The following DNAH9 variants were observed in gnomAD, a reference collection of about 807,000 sequenced individuals.
DNAH9 encodes DNAH9 variant protein.
A neutral mutation model predicts 471.6 loss-of-function variants in DNAH9; 345 were observed. The ratio of observed to expected loss-of-function variants is 0.73; its 90% CI spans 0.67 to 0.80. The LOEUF is 0.80. Ranked by LOEUF, DNAH9 falls within the 30% of genes least tolerant of loss-of-function variation. The pLI is 0.00. For synonymous variants in DNAH9, 2,093 were observed against 2,123.6 expected, an observed-to-expected ratio of 0.99 and a Z score of 0.40; for missense variants, 5,407 against 5,609.2, an observed-to-expected ratio of 0.96 and a Z score of 1.15.
intron 10 of DNAH9, among the ~76,000 whole-genome samples, chr17:11,642,992 G>A (rs2073307792): frequency 6.6e-6 from 1 of 152,240 alleles, no homozygotes; most frequent in African/African-American, 2.4e-5. Flanking sequence ...GAAATCCTAT[G>A]TTGGTTTAAA....
intron 61 of DNAH9, among the ~76,000 whole-genome samples, chr17:11,913,960 A>G (rs1973865865): frequency 6.6e-6 from 1 of 152,090 alleles, no homozygotes; most frequent in Non-Finnish European, 1.5e-5. Context: ...CTCTGTTACT[A>G]TCATTAATTT....
chr17:11,929,313 TG>T (rs1337213942), intron 62 of DNAH9, among the ~76,000 whole-genome samples: 1 of 152,062 alleles, frequency 6.6e-6, no homozygotes, highest in Non-Finnish European at 1.5e-5. Flanking sequence ...GGATTACAGG[TG>T]TTAGCCACCG....
In DNAH9 at chr17:11,923,457, G is replaced by A. The variant is rs575226703; in HGVS notation, c.11750-357G>A. Among the ~76,000 whole-genome samples, 43 of 151,864 alleles carry A rather than the reference G, an allele frequency of 2.8e-4. No homozygotes were observed. In the South Asian group the frequency reaches 7.1e-3, roughly 25 times the overall value. On this transcript the variant is annotated intron_variant, in intron 61 of 68. Transcript: ENST00000262442. The stretch of plus-strand genomic sequence containing the variant: ...CTCCCGAGTAGCTGGGACTACAGGC[G>A]CCCACCACCACGCCCAGCTAATTTT...
At chr17:11,819,281 C>T (rs1260308836) in intron 45 of DNAH9, among the ~76,000 whole-genome samples, 2 of 152,094 alleles carry the variant, frequency 1.3e-5, no homozygotes, top group African/African-American at 4.8e-5. Flanking sequence ...TGAGGTATCA[C>T]CGCTTTCCCA....
chr17:11,936,163 C>T (rs768842127), intron 65 of DNAH9, among the ~76,000 whole-genome samples: 1 of 152,100 alleles, frequency 6.6e-6, no homozygotes, highest in Non-Finnish European at 1.5e-5. Flanking sequence ...AGAGTCCAGG[C>T]CTGCACAGAA....
In DNAH9 at chr17:11,619,776, G is replaced by A; in HGVS notation, c.1345G>A (p.Val449Met). 1.3e-6 allele frequency: 2 copies of A among 1,586,760 alleles called. No individual in the cohort carries two copies. The highest frequency in any genetic ancestry group is 1.7e-6 in the Non-Finnish European group (2 of 1,155,100). Residue 449 changes from valine to methionine, a missense_variant, in exon 6 of 69, where the codon GTG (valine) becomes ATG (methionine). Val to Met is a conservative substitution (Grantham distance 21, BLOSUM62 1). This residue lies in a region of DNAH9 where 767 missense variants were observed against 692.5 expected (regional missense o/e 1.11). Coordinates refer to ENST00000262442, the MANE Select transcript of DNAH9 (RefSeq NM_001372.4). ...TGGCTTCCTGGGACAACTGCACGTG[G>A]TGGAGGTGAGTGCGCACCTCACCTC... ...LDGFLGQLHV[V>M]EGLLKTALDF...
At chr17:11,653,078 T>A in intron 14 of DNAH9, 76 bp downstream of exon 14, 1 of 1,484,102 alleles carries the variant, frequency 6.7e-7, no homozygotes, top group Non-Finnish European at 9.2e-7. Flanking sequence ...GATGAATAAG[T>A]GATTAGGACA....
Position 11,783,719 on chromosome 17 carries a change from G to A in DNAH9, c.7792G>A (p.Gly2598Ser). Residue 2598 changes from glycine (G) to serine (S), a missense_variant, in exon 40 of 69, where the codon GGC becomes AGC. Around this residue, in one of 3 missense-constraint regions of DNAH9, gnomAD observed 4,636 missense variants for 4,900.3 expected, o/e 0.95. Transcript: ENST00000262442. ...TGTTTCCTGTATGAACCCCACGGCA[G>A]GCAGCTTCACCATCAACCCCCGGCT... is the stretch of plus-strand genomic sequence containing the variant. ...QYVSCMNPTA[G>S]SFTINPRLQR... 6.2e-7 allele frequency: 1 copy of A among 1,614,092 alleles called. No individual in the cohort carries two copies. Among genetic ancestry groups the A allele is most frequent in the East Asian group, 2.2e-5 (1 of 44,874 alleles).
intron 67 of DNAH9, among the ~76,000 whole-genome samples, chr17:11,943,140 C>A (rs552509291): frequency 6.6e-6 from 1 of 151,690 alleles, no homozygotes; most frequent in Non-Finnish European, 1.5e-5. Context: ...ATAATCCACC[C>A]GCCTCAGCCT....
intron 29 of DNAH9, among the ~76,000 whole-genome samples, chr17:11,741,693 G>T (rs1189324614): frequency 6.6e-6 from 1 of 151,920 alleles, no homozygotes; most frequent in Non-Finnish European, 1.5e-5. Flanking sequence ...TACAGGATAA[G>T]CCCTGGGTGT....
chr17:11,670,806 C>T (rs1238867929), intron 17 of DNAH9, among the ~76,000 whole-genome samples: 3 of 151,800 alleles, frequency 2.0e-5, no homozygotes, highest in South Asian at 2.1e-4. Context: ...TGGGTTCAAG[C>T]GATTCTCCTA....
At chr17:11,666,979 T>C (rs150732448) in intron 15 of DNAH9, among the ~76,000 whole-genome samples, 3 of 152,262 alleles carry the variant, frequency 2.0e-5, no homozygotes, top group South Asian at 2.1e-4. Context: ...TCCCACTCCA[T>C]AGAGAAATGT....
chr17:11,783,757 G>C lies in DNAH9; in HGVS notation c.7821+9G>C, dbSNP rs371224032. On this transcript the variant is annotated intron_variant, in intron 40 of 68. Coordinates refer to ENST00000262442, the MANE Select transcript of DNAH9 (RefSeq NM_001372.4). ...TCAACCCCCGGCTTCAGGTACAGGA[G>C]GAGCCATGGGACCTGGGTCCTAATC... 28 of 1,610,752 alleles carry C rather than the reference G, an allele frequency of 1.7e-5. No individual in the cohort carries two copies. The African/African-American group carries it at 3.5e-4, about 20-fold the overall frequency.
Position 11,883,566 on chromosome 17 carries a change from C to T in DNAH9, c.10807-20C>T, listed in dbSNP as rs552460328. On this transcript the variant is annotated intron_variant, in intron 55 of 68. Transcript: ENST00000262442. ...GCCCTGGGCATCTGCACCTGACTGT[C>T]TCTTGCTTGATATTTGCAGTCCGAT... is the stretch of plus-strand genomic sequence containing the variant. 4 of 1,613,268 alleles carry T rather than the reference C, an allele frequency of 2.5e-6. No homozygotes were observed. Among genetic ancestry groups the T allele is most frequent in the Non-Finnish European group, 3.4e-6 (4 of 1,179,470 alleles).
intron 41 of DNAH9, among the ~76,000 whole-genome samples, chr17:11,791,948 T>C (rs1969081271): frequency 6.6e-6 from 1 of 151,998 alleles, no homozygotes; most frequent in Non-Finnish European, 1.5e-5. Flanking sequence ...AGGAATTTTG[T>C]GAAACTGGAA....
intron 22 of DNAH9, among the ~76,000 whole-genome samples, chr17:11,695,822 C>T (rs918770491): frequency 1.3e-5 from 2 of 152,194 alleles, no homozygotes; most frequent in African/African-American, 2.4e-5. Flanking sequence ...ATGAGAACTT[C>T]TGCTCTCAAC....
intron 6 of DNAH9, among the ~76,000 whole-genome samples, chr17:11,622,605 C>T (rs1382065331): frequency 6.6e-6 from 1 of 152,172 alleles, no homozygotes. Flanking sequence ...GGAATGGTAG[C>T]AGAGCATGAC....
In DNAH9 at chr17:11,781,131, C is replaced by T. The variant is rs773349173; in HGVS notation, c.7675C>T (p.Gln2559Ter). 1 of 1,614,148 alleles carries T rather than the reference C, an allele frequency of 6.2e-7. No homozygotes were observed. Among genetic ancestry groups the T allele is most frequent in the Admixed American group, 1.7e-5 (1 of 60,024 alleles). Reference protein sequence around the residue: ...MPEVDAYGTVQPHTIIRQHLD... With the variant: ...MPEVDAYGTV ...TGAGGTGGATGCCTACGGGACGGTG[C>T]AGCCCCACACCATCATCCGGCAGCA... The change falls in exon 39 of 69, where the codon CAG (glutamine) becomes TAG (stop). Residue 2559 changes from glutamine to a stop codon, truncating the protein, a stop_gained. Transcript: ENST00000262442. LOFTEE classifies it high-confidence loss of function.
At chr17:11,925,244 C>T (rs1974283861) in intron 62 of DNAH9, 1 of 448,454 alleles carries the variant, frequency 2.2e-6, no homozygotes, top group Admixed American at 2.5e-5. Context: ...GCCGGTGGGT[C>T]AAGGAATCCA....
Sources: allele counts gnomAD v4.1 joint callset (sites outside exome capture counted in the v4.1 genomes callset), GRCh38; gene constraint gnomAD v4.1.1; regional missense constraint gnomAD v4.1.1; transcripts MANE v1.5; gene names NCBI Gene and HGNC (gene_info 2026-07-23, HGNC 2026-07-21).